Variants in CDH6 observed in about 807,000 individuals in gnomAD.
CDH6 encodes cadherin-6.
Under a neutral mutation model 78.0 loss-of-function variants are expected in CDH6, and 31 were observed. The ratio of observed to expected loss-of-function variants is 0.40; its 90% CI spans 0.30 to 0.54. The LOEUF (loss-of-function observed/expected upper bound fraction) is 0.54. CDH6 is among the 20% of genes least tolerant of loss of function. The pLI, the probability that CDH6 is intolerant of heterozygous loss-of-function variation, is 0.56. For missense variants in CDH6, 724 were observed against 975.9 expected, an observed-to-expected ratio of 0.74 and a Z score of 3.44; for synonymous variants, 376 against 368.8, an observed-to-expected ratio of 1.02 and a Z score of -0.23.
At chr5:31,286,848 T>C (rs1243236227) in intron 2 of CDH6, among the ~76,000 whole-genome samples, 1 of 151,338 alleles carries the variant, frequency 6.6e-6, no homozygotes, top group East Asian at 1.9e-4. Flanking sequence ...GCAGTGAAAA[T>C]GGGAAAAGGA....
At chr5:31,299,826 T>C (rs1737712248) in intron 5 of CDH6, among the ~76,000 whole-genome samples, 195 bp downstream of exon 5, 1 of 152,240 alleles carries the variant, frequency 6.6e-6, no homozygotes, top group African/African-American at 2.4e-5. Flanking sequence ...CTATTGGTAA[T>C]TACCTGAGTG....
chr5:31,249,537 A>G (rs76523061), intron 1 of CDH6: 1 of 152,378 alleles, frequency 6.6e-6, no homozygotes, highest in Non-Finnish European at 1.5e-5. Context: ...AAGGAACAAG[A>G]ATACTTGAAC....
In CDH6 at chr5:31,316,349, A is replaced by T; in HGVS notation, c.1512+20A>T. 1 of 1,599,646 alleles carries T rather than the reference A, an allele frequency of 6.3e-7. No individual in the cohort carries two copies. Among genetic ancestry groups the T allele is most frequent in the Non-Finnish European group, 8.5e-7 (1 of 1,173,734 alleles). ...GATCAGGTGAGTTTCATTAAAAAGTATATTCAAGTTGAACATCAGATTAAT... is the reference window on the plus strand; with the variant it reads ...GATCAGGTGAGTTTCATTAAAAAGTTTATTCAAGTTGAACATCAGATTAAT... On this transcript the variant is annotated intron_variant, in intron 9 of 11. Transcript: ENST00000265071.
At position 31,265,265 on chromosome 5, in the gene CDH6, G is replaced by A. The variant is rs116150403; in HGVS notation, c.-128-2081G>A. Among the ~76,000 whole-genome samples, 436 of 152,228 alleles carry A rather than the reference G, an allele frequency of 2.9e-3. 2 individuals are homozygous for A. The highest frequency in any genetic ancestry group is 9.9e-3 in the African/African-American group (412 of 41,518). Reference sequence around the variant, plus strand: ...CTATGAGGAGAGAGAAGAATCATTCGTACCTAATTGATCGTCAGTCATTCC... The same window carrying A: ...CTATGAGGAGAGAGAAGAATCATTCATACCTAATTGATCGTCAGTCATTCC... On this transcript the variant is annotated intron_variant, in intron 1 of 11. Coordinates refer to ENST00000265071, the MANE Select transcript of CDH6 (RefSeq NM_004932.4).
At chr5:31,221,103 TA>T (rs1171081190) in intron 1 of CDH6, among the ~76,000 whole-genome samples, 1 of 152,186 alleles carries the variant, frequency 6.6e-6, no homozygotes, top group Admixed American at 6.5e-5. Flanking sequence ...TTCGATTTAA[TA>T]AATGTCCCAA....
chr5:31,298,012 T>C (rs1737659537), intron 4 of CDH6, among the ~76,000 whole-genome samples: 1 of 152,188 alleles, frequency 6.6e-6, no homozygotes, highest in Non-Finnish European at 1.5e-5. Flanking sequence ...TTTAGTTGTG[T>C]GAAGCCACTA....
chr5:31,321,178 T>G (rs951466079), intron 11 of CDH6, among the ~76,000 whole-genome samples: 34 of 102,236 alleles, frequency 3.3e-4, no homozygotes, highest in African/African-American at 1.2e-3. Context: ...ACCCACTCAG[T>G]GCCTAGAACT....
In CDH6 at chr5:31,293,947, T is replaced by G. The variant is rs187680810; in HGVS notation, c.229-15T>G. 1.8e-4 allele frequency: 275 copies of G among 1,535,732 alleles called. 1 individual carries two copies. The East Asian group carries it at 4.0e-3, about 22-fold the overall frequency. ...CTTGACTTTTACTTTCTTTAATTTT[T>G]TTTTTCTACACTAGTTACATTCAGA... On this transcript the variant is annotated splice_polypyrimidine_tract_variant and intron_variant, in intron 2 of 11. Transcript: ENST00000265071.
chr5:31,322,084 C>A (rs1738489704), intron 11 of CDH6, among the ~76,000 whole-genome samples: 1 of 151,984 alleles, frequency 6.6e-6, no homozygotes, highest in African/African-American at 2.4e-5. Context: ...GAACATGAAC[C>A]TTTGAAAAAT....
chr5:31,312,944 A>C (rs1426289353), intron 7 of CDH6, among the ~76,000 whole-genome samples: 1 of 38,434 alleles, frequency 2.6e-5, no homozygotes, highest in African/African-American at 5.0e-5. Context: ...TATGCATACA[A>C]GCACACACAC....
At position 31,247,306 on chromosome 5, in the gene CDH6, C is replaced by T. The variant is rs180749502; in HGVS notation, c.-128-20040C>T. 1.2e-3 allele frequency among the ~76,000 whole-genome samples: 180 copies of T among 152,330 alleles called. 1 individual carries two copies. The highest frequency in any genetic ancestry group is 4.2e-3 in the African/African-American group (173 of 41,576). On this transcript the variant is annotated intron_variant, in intron 1 of 11. Coordinates refer to ENST00000265071, the MANE Select transcript of CDH6 (RefSeq NM_004932.4). ...ACCTTAGGACATGAATATGGTCACT[C>T]CTCAGTTTAGAGGAGAAGAAGCTAA...
chr5:31,248,344 C>G, intron 1 of CDH6, among the ~76,000 whole-genome samples: 1 of 152,206 alleles, frequency 6.6e-6, no homozygotes, highest in Non-Finnish European at 1.5e-5. Context: ...TCCAACTACT[C>G]TGTGCTAAGG....
Position 31,267,350 on chromosome 5 carries a change from C to A in CDH6, c.-124C>A. The A allele has an allele frequency of 1.5e-6, 1 of 681,400 alleles. No homozygotes were observed. The highest frequency in any genetic ancestry group is 2.6e-6 in the Non-Finnish European group (1 of 389,470). The allele number at this position is 681,400 out of a possible 1,614,324, so 42.2% of individuals were successfully genotyped here. A position where few individuals can be genotyped will look rare whatever the true frequency, so the allele number is the denominator to read the frequency against. On this transcript the variant is annotated 5_prime_UTR_variant, in exon 2 of 12. Coordinates refer to ENST00000265071, the MANE Select transcript of CDH6 (RefSeq NM_004932.4). ...TTATGTTATTATTCTTTCCAGATAT[C>A]CTCTGAGAGCCAAGCAAAGAACATT...
chr5:31,220,381 T>A (rs1740973822), intron 1 of CDH6, among the ~76,000 whole-genome samples: 2 of 152,246 alleles, frequency 1.3e-5, no homozygotes, highest in Non-Finnish European at 1.5e-5. Flanking sequence ...CACATTATAC[T>A]GCACTCCTTA....
At chr5:31,247,994 C>A (rs548819385) in intron 1 of CDH6, among the ~76,000 whole-genome samples, 5 of 152,110 alleles carry the variant, frequency 3.3e-5, no homozygotes, top group Non-Finnish European at 7.4e-5. Context: ...TATAGTTCAA[C>A]GTAATTTAGT....
rs144881660 is a variant in CDH6 at position 31,324,922 on chromosome 5, G to GTA, written c.*1625_*1626dup. 0.096 allele frequency: 19,087 copies of GTA among 199,072 alleles called. 1,072 individuals are homozygous for GTA. Among genetic ancestry groups the GTA allele is most frequent in the East Asian group, 0.14 (1,802 of 12,712 alleles). 12.3% of individuals were successfully genotyped at this position (199,072 alleles called of 1,614,324 possible). Reference sequence around the variant, plus strand: ...TTTGAAAACCTAAAAGACAGGCTCTGTATATATATATACTTAAGAATATGC... The same window carrying GTA: ...TTTGAAAACCTAAAAGACAGGCTCTGTATATATATATATACTTAAGAATATGC... On this transcript the variant is annotated 3_prime_UTR_variant, in exon 12 of 12. Transcript: ENST00000265071.
At position 31,314,729 on chromosome 5, in the gene CDH6, TC is replaced by T. The variant is rs1037895747; in HGVS notation, c.1390+1278del. ...AAAGTTTTAAAATTATAAATTTATT[TC>T]CCACTGAAAATGACCATTTTTCCTA... On this transcript the variant is annotated intron_variant, in intron 8 of 11. Transcript: ENST00000265071. Among the ~76,000 whole-genome samples the T allele has an allele frequency of 1.7e-4, 26 of 152,232 alleles. 2 individuals are homozygous for T. The highest frequency in any genetic ancestry group is 6.3e-4 in the African/African-American group (26 of 41,562).
intron 1 of CDH6, among the ~76,000 whole-genome samples, chr5:31,261,072 C>A (rs1414328796): frequency 6.6e-6 from 1 of 152,158 alleles, no homozygotes; most frequent in African/African-American, 2.4e-5. Context: ...ACTCTTCTCT[C>A]AGAATAAATA....
At chr5:31,320,199 C>G (rs1351149708) in intron 11 of CDH6, among the ~76,000 whole-genome samples, 1 of 152,184 alleles carries the variant, frequency 6.6e-6, no homozygotes, top group Non-Finnish European at 1.5e-5. Flanking sequence ...GCTCTGAGAG[C>G]TCTCCTTCTA....
Sources: allele counts gnomAD v4.1 joint callset (sites outside exome capture counted in the v4.1 genomes callset), GRCh38; gene constraint gnomAD v4.1.1; transcripts MANE v1.5; gene names NCBI Gene and HGNC (gene_info 2026-07-23, HGNC 2026-07-21).